The following PTPRT variants were observed in gnomAD, a reference collection of about 807,000 sequenced individuals.
PTPRT encodes receptor-type tyrosine-protein phosphatase T.
In PTPRT, 56 loss-of-function variants were observed where a neutral mutation model predicts 176.8. That is an observed-to-expected ratio of 0.32 (90% confidence interval 0.26 to 0.40). The LOEUF (loss-of-function observed/expected upper bound fraction) is 0.40. Among genes scored for constraint, PTPRT ranks in the 10% least tolerant of loss-of-function variants. PTPRT has a pLI of 1.00. For synonymous variants in PTPRT, 783 were observed against 739.0 expected, an observed-to-expected ratio of 1.06 and a Z score of -0.96; for missense variants, 1,540 against 1,908.2, an observed-to-expected ratio of 0.81 and a Z score of 3.60.
intron 6 of PTPRT, among the ~76,000 whole-genome samples, chr20:42,724,875 G>C (rs745401542): frequency 2.0e-5 from 3 of 152,018 alleles, no homozygotes; most frequent in Non-Finnish European, 2.9e-5. Context: ...TACCCCTTGT[G>C]ATTACAGTGG....
chr20:42,559,091 T>G (rs939635335), intron 7 of PTPRT, among the ~76,000 whole-genome samples: 1 of 152,178 alleles, frequency 6.6e-6, no homozygotes, highest in African/African-American at 2.4e-5. Flanking sequence ...ATATCCTTAG[T>G]GCTTATTATG....
intron 8 of PTPRT, among the ~76,000 whole-genome samples, chr20:42,450,929 T>A (rs1326739997): frequency 4.6e-5 from 7 of 152,182 alleles, no homozygotes; most frequent in Non-Finnish European, 7.3e-5. Flanking sequence ...CTAGGAGAAT[T>A]ATTAAAAGCA....
intron 1 of PTPRT, among the ~76,000 whole-genome samples, chr20:42,910,774 A>T (rs1055851620): frequency 6.6e-6 from 1 of 152,200 alleles, no homozygotes; most frequent in African/African-American, 2.4e-5. Flanking sequence ...TCAAAAGAAC[A>T]TTGTATTAGT....
At chr20:42,695,976 C>A (rs556341680) in intron 6 of PTPRT, among the ~76,000 whole-genome samples, 2 of 152,032 alleles carry the variant, frequency 1.3e-5, no homozygotes, top group African/African-American at 2.4e-5. Flanking sequence ...CCTTCAGTAA[C>A]CCTATCACTT....
chr20:42,546,391 G>T lies in PTPRT; in HGVS notation c.1154-73829C>A, dbSNP rs372296574. Among the ~76,000 whole-genome samples, 7 of 152,114 alleles carry T rather than the reference G, an allele frequency of 4.6e-5. No homozygotes were observed. In the East Asian group the frequency reaches 1.2e-3, roughly 25 times the overall value. On this transcript the variant is annotated intron_variant, in intron 7 of 30. Transcript: ENST00000373187. Reference sequence around the variant, plus strand: ...GCAGTGTATGATTGGTTGAAGTACGGCCACTGGGATTGGCCAAGACTTAGC... The same window carrying T: ...GCAGTGTATGATTGGTTGAAGTACGTCCACTGGGATTGGCCAAGACTTAGC...
chr20:42,489,865 C>A (rs1254026202), intron 7 of PTPRT, among the ~76,000 whole-genome samples: 2 of 152,210 alleles, frequency 1.3e-5, no homozygotes, highest in Non-Finnish European at 2.9e-5. Flanking sequence ...TCTTTTCTAA[C>A]TTTGTAGCTT....
rs114098410 is a variant in PTPRT at position 43,105,774 on chromosome 20, A to T, written c.88+83872T>A. ...AGCCTCTAAGGAATGCCAAAGGGCA[A>T]AGTAAAAATAAATACTAAATAAGAC... is the stretch of plus-strand genomic sequence containing the variant. On this transcript the variant is annotated intron_variant, in intron 1 of 30. Coordinates refer to ENST00000373187, the MANE Select transcript of PTPRT (RefSeq NM_007050.6). Among the ~76,000 whole-genome samples the T allele has an allele frequency of 1.4e-3, 209 of 152,304 alleles. 1 individual carries two copies. The highest frequency in any genetic ancestry group is 4.8e-3 in the African/African-American group (200 of 41,566).
rs181020374 is a variant in PTPRT at position 42,898,738 on chromosome 20, C to T, written c.89-12806G>A. 1.6e-3 allele frequency among the ~76,000 whole-genome samples: 247 copies of T among 152,260 alleles called. 3 individuals carry two copies. Among genetic ancestry groups the T allele is most frequent in the African/African-American group, 5.8e-3 (242 of 41,558 alleles). ...AGCAGATTCTGTCTTCTCACGGGCC[C>T]CAGCCTTCCCAGGCACCAGTTTGTG... On this transcript the variant is annotated intron_variant, in intron 1 of 30. Coordinates refer to ENST00000373187, the MANE Select transcript of PTPRT (RefSeq NM_007050.6).
intron 7 of PTPRT, among the ~76,000 whole-genome samples, chr20:42,602,330 G>C (rs2073796658): frequency 6.6e-6 from 1 of 152,080 alleles, no homozygotes; most frequent in African/African-American, 2.4e-5. Flanking sequence ...TTTCCATTAA[G>C]ACCCTCATGC....
At chr20:42,033,540 C>T in the PTPRT span, among the ~76,000 whole-genome samples, 370 of 152,236 alleles carry the variant, frequency 2.4e-3, no homozygotes, top group South Asian at 7.7e-3. Flanking sequence ...CTCATTCTCA[C>T]AGCCTGTAAA....
At chr20:43,007,042 C>T (rs1984889723) in intron 1 of PTPRT, among the ~76,000 whole-genome samples, 2 of 152,294 alleles carry the variant, frequency 1.3e-5, no homozygotes, top group South Asian at 4.2e-4. Flanking sequence ...AGAACAATCA[C>T]AGAAATTAGA....
chr20:42,122,262 C>G (rs1432336610), intron 19 of PTPRT, among the ~76,000 whole-genome samples: 1 of 152,132 alleles, frequency 6.6e-6, no homozygotes, highest in African/African-American at 2.4e-5. Flanking sequence ...ATGTGCCAGG[C>G]ACTATTCTAA....
At chr20:42,906,919 T>C (rs1248581771) in intron 1 of PTPRT, among the ~76,000 whole-genome samples, 1 of 151,986 alleles carries the variant, frequency 6.6e-6, no homozygotes, top group East Asian at 1.9e-4. Context: ...ATAAACCATG[T>C]GTTTCCTCCA....
At chr20:42,851,470 T>C (rs893041472) in intron 2 of PTPRT, among the ~76,000 whole-genome samples, 10 of 152,210 alleles carry the variant, frequency 6.6e-5, no homozygotes, top group African/African-American at 2.4e-4. Flanking sequence ...TAGGCATCTA[T>C]AATTATAATA....
intron 7 of PTPRT, among the ~76,000 whole-genome samples, chr20:42,545,686 C>T (rs2072661891): frequency 6.6e-6 from 1 of 152,142 alleles, no homozygotes; most frequent in Admixed American, 6.5e-5. Flanking sequence ...AGCACTCTCA[C>T]AATTGGTTGA....
intron 9 of PTPRT, among the ~76,000 whole-genome samples, chr20:42,417,460 T>C (rs2059076731): frequency 2.0e-5 from 3 of 152,054 alleles, no homozygotes; most frequent in African/African-American, 7.2e-5. Context: ...AGGCTACCCC[T>C]ATATTCCTTC....
At chr20:43,105,656 T>A (rs1392447559) in intron 1 of PTPRT, among the ~76,000 whole-genome samples, 2 of 152,180 alleles carry the variant, frequency 1.3e-5, no homozygotes, top group African/African-American at 4.8e-5. Context: ...CACCTCAGCC[T>A]CCCAAAATGC....
intron 2 of PTPRT, among the ~76,000 whole-genome samples, chr20:42,858,202 C>G (rs865802825): frequency 6.6e-6 from 1 of 152,154 alleles, no homozygotes; most frequent in Non-Finnish European, 1.5e-5. Context: ...TAAAATTACT[C>G]TGACACTTGT....
chr20:42,665,644 G>A (rs747995935), intron 7 of PTPRT, among the ~76,000 whole-genome samples: 3 of 152,138 alleles, frequency 2.0e-5, no homozygotes, highest in Admixed American at 1.3e-4. Context: ...ACATGCACAT[G>A]TATGTTTATT....
Sources: allele counts gnomAD v4.1 joint callset (sites outside exome capture counted in the v4.1 genomes callset), GRCh38; gene constraint gnomAD v4.1.1; transcripts MANE v1.5; gene names NCBI Gene and HGNC (gene_info 2026-07-23, HGNC 2026-07-21).